DAAM2: variants seen among roughly 807,000 people sequenced by gnomAD.
DAAM2 encodes the protein disheveled-associated activator of morphogenesis 2.
A neutral mutation model predicts 120.7 loss-of-function variants in DAAM2; 39 were observed. The ratio of observed to expected loss-of-function variants is 0.32; its 90% CI spans 0.25 to 0.42. The LOEUF is 0.42. DAAM2 is among the 10% of genes least tolerant of loss of function. DAAM2 has a pLI of 1.00. For synonymous variants in DAAM2, 488 were observed against 524.9 expected, an observed-to-expected ratio of 0.93 and a Z score of 0.96; for missense variants, 1,283 against 1,401.7, an observed-to-expected ratio of 0.92 and a Z score of 1.35.
intron 19 of DAAM2, among the ~76,000 whole-genome samples, chr6:39,895,016 C>T (rs1384240074): frequency 6.6e-6 from 1 of 152,226 alleles, no homozygotes; most frequent in East Asian, 1.9e-4. Flanking sequence ...CCTGCTGTTA[C>T]ATGTAGCAGT....
Position 39,901,532 on chromosome 6 carries a change from C to A in DAAM2, c.2982+60C>A. 6.5e-7 allele frequency: 1 copy of A among 1,541,570 alleles called. No individual in the cohort carries two copies. The highest frequency in any genetic ancestry group is 8.7e-7 in the Non-Finnish European group (1 of 1,143,888). On this transcript the variant is annotated intron_variant, in intron 24 of 24. Coordinates refer to ENST00000274867, the MANE Select transcript of DAAM2 (RefSeq NM_001201427.2). The surrounding 1 kb of genome is among the most constrained non-coding windows in gnomAD (Gnocchi z 4.5). Reference sequence around the variant, plus strand: ...GACGGGTGCTACTTGGGGAGAACACCCCCAAACTGGGGTGTGTGGGAGGAG... The same window carrying A: ...GACGGGTGCTACTTGGGGAGAACACACCCAAACTGGGGTGTGTGGGAGGAG...
chr6:39,811,177 G>A (rs986309396), intron 1 of DAAM2, among the ~76,000 whole-genome samples: 17 of 37,130 alleles, frequency 4.6e-4, no homozygotes, highest in African/African-American at 1.0e-3. Flanking sequence ...TGAAGGGAGT[G>A]TGTGTGTGTG....
chr6:39,889,121 A>C (rs35762633), intron 17 of DAAM2: 3,726 of 164,812 alleles, frequency 0.023, 59 homozygotes, highest in Non-Finnish European at 0.035. Flanking sequence ...CTGTTCATCA[A>C]GGGCATGGTT....
rs1443052312 is a variant in DAAM2, at chr6:39,827,347, C to T, written c.-56-28900C>T. On this transcript the variant is annotated intron_variant, in intron 1 of 24. Coordinates refer to ENST00000274867, the MANE Select transcript of DAAM2 (RefSeq NM_001201427.2). ...ATGCCAGCAGCTGTATGAGGGGCGT[C>T]CTGCAGATCATGTCGGAGAAAGGAG... 2.0e-5 allele frequency among the ~76,000 whole-genome samples: 3 copies of T among 152,144 alleles called. No homozygotes were observed. The South Asian group carries it at 6.2e-4, about 32-fold the overall frequency.
chr6:39,834,613 G>A (rs1763036756), intron 1 of DAAM2, among the ~76,000 whole-genome samples: 1 of 152,028 alleles, frequency 6.6e-6, no homozygotes, highest in Admixed American at 6.5e-5. Flanking sequence ...GGGGTATCTG[G>A]GCACCACCTA....
At chr6:39,846,653 C>T (rs140348132) in intron 1 of DAAM2, among the ~76,000 whole-genome samples, 18 of 151,926 alleles carry the variant, frequency 1.2e-4, no homozygotes, top group East Asian at 9.7e-4. Flanking sequence ...GCAGACATTC[C>T]GCAGATTCAA....
chr6:39,823,429 A>G (rs1762557989), intron 1 of DAAM2, among the ~76,000 whole-genome samples: 1 of 152,198 alleles, frequency 6.6e-6, no homozygotes, highest in Admixed American at 6.5e-5. Context: ...TCAGAGAGGA[A>G]CAGGCAAGTC....
intron 14 of DAAM2, 48 bp downstream of exon 14, chr6:39,879,525 C>T (rs770873256): frequency 1.9e-6 from 3 of 1,612,938 alleles, no homozygotes; most frequent in East Asian, 2.2e-5. Flanking sequence ...TACAGCAGGG[C>T]AGTCAGCCTC....
At chr6:39,899,005 C>G (rs1582775790) in intron 22 of DAAM2, 68 bp downstream of exon 22, 1 of 1,339,500 alleles carries the variant, frequency 7.5e-7, no homozygotes, top group East Asian at 2.5e-5. Flanking sequence ...TCACTGCACC[C>G]TAAGCTCCTA....
chr6:39,884,390 C>T (rs1238658893), intron 15 of DAAM2: 1 of 231,896 alleles, frequency 4.3e-6, no homozygotes, highest in East Asian at 9.5e-5. Flanking sequence ...TTCTCTCTTC[C>T]ATCCTGGAGC....
At chr6:39,863,112 C>T (rs73734930) in intron 3 of DAAM2, among the ~76,000 whole-genome samples, 3,092 of 151,984 alleles carry the variant, frequency 0.02, 105 homozygotes, top group African/African-American at 0.07. Flanking sequence ...TGGCACTGGA[C>T]TGTTACATGG....
In DAAM2 at chr6:39,867,759, G is replaced by A. The variant is rs779262154; in HGVS notation, c.678G>A (p.Val226=). Residue 226 remains valine (V), a synonymous_variant, in exon 6 of 25, where the codon GTG becomes GTA. Transcript: ENST00000274867. Reference sequence around the variant, plus strand: ...CTGTGCTGGAGATCCTGGGTGCTGTGTGCCTCGTGCCTGGTGGCCACAAGA... The same window carrying A: ...CTGTGCTGGAGATCCTGGGTGCTGTATGCCTCGTGCCTGGTGGCCACAAGA... The part of the protein sequence containing the change: ...KVAVLEILGA[V]CLVPGGHKKV... The A allele has an allele frequency of 6.2e-6, 10 of 1,613,734 alleles. No homozygotes were observed. In the African/African-American group the frequency reaches 1.1e-4, roughly 17 times the overall value.
At chr6:39,885,359 C>T (rs1765330018) in intron 15 of DAAM2, 2 of 142,502 alleles carry the variant, frequency 1.4e-5, no homozygotes, top group African/African-American at 2.6e-5. Flanking sequence ...AGCACTGGCT[C>T]CTGGGAGCCA....
chr6:39,856,737 C>T (rs779957842), intron 2 of DAAM2, among the ~76,000 whole-genome samples: 1 of 152,222 alleles, frequency 6.6e-6, no homozygotes, highest in Non-Finnish European at 1.5e-5. Context: ...ATTAGGTTAT[C>T]ATAGGAAGGG....
chr6:39,832,969 A>AT (rs1762971505), intron 1 of DAAM2, among the ~76,000 whole-genome samples: 1 of 151,962 alleles, frequency 6.6e-6, no homozygotes, highest in South Asian at 2.1e-4. Flanking sequence ...CTGGTCTGGG[A>AT]TGTGAGGGTT....
intron 9 of DAAM2, 48 bp downstream of exon 9, chr6:39,871,620 TTGG>T (rs1764666919): frequency 6.6e-7 from 1 of 1,516,842 alleles, no homozygotes; most frequent in Non-Finnish European, 8.9e-7. Flanking sequence ...AGTAGGGTTC[TTGG>T]TGGCCCCACA....
chr6:39,805,842 G>A (rs1470420385), intron 1 of DAAM2, among the ~76,000 whole-genome samples: 9 of 152,122 alleles, frequency 5.9e-5, no homozygotes, highest in South Asian at 2.1e-4. Flanking sequence ...GTGAGCCACC[G>A]TGCCCGGCCC....
chr6:39,892,047 G>A (rs1197402426), intron 19 of DAAM2, among the ~76,000 whole-genome samples: 2 of 152,136 alleles, frequency 1.3e-5, no homozygotes, highest in African/African-American at 4.8e-5. Flanking sequence ...ACAGTGCCTG[G>A]CTGGGACTGA....
At chr6:39,825,443 G>T (rs1762635223) in intron 1 of DAAM2, among the ~76,000 whole-genome samples, 1 of 106,574 alleles carries the variant, frequency 9.4e-6, no homozygotes, top group African/African-American at 3.4e-5. Flanking sequence ...AGGTCGGGGG[G>T]TTGGTGGGGG....
Sources: gnomAD v4.1 joint callset for allele counts (sites outside exome capture counted in the v4.1 genomes callset) on GRCh38, gnomAD v4.1.1 for gene constraint, Gnocchi (gnomAD v3.1) non-coding constraint, MANE v1.5 for transcripts, NCBI Gene and HGNC (gene_info 2026-07-23, HGNC 2026-07-21) for gene names.